TSGA10: variants seen among roughly 807,000 people sequenced by gnomAD.
The protein encoded by TSGA10 is testis-specific gene 10 protein.
TSGA10 carries 43 observed loss-of-function variants against 96.6 expected under a neutral mutation model. That is an observed-to-expected ratio of 0.44 (90% confidence interval 0.35 to 0.57). TSGA10 has a LOEUF of 0.57. TSGA10 is among the 20% of genes least tolerant of loss of function. The probability of loss-of-function intolerance (pLI) is 0.01; values close to 1 mark genes in which losing one functional copy is unlikely to be tolerated. For synonymous variants in TSGA10, 229 were observed against 269.9 expected (o/e 0.85, Z 1.48); for missense variants, 703 against 834.4 (o/e 0.84, Z 1.94).
chr2:99,016,482 T>TA (rs947685065), intron 20 of TSGA10, among the ~76,000 whole-genome samples: 2 of 152,126 alleles, frequency 1.3e-5, no homozygotes, highest in Non-Finnish European at 2.9e-5. Flanking sequence ...TCTCACCTTA[T>TA]AAAAAATCAA....
chr2:99,095,828 A>AT (rs2089977464), intron 10 of TSGA10, among the ~76,000 whole-genome samples: 1 of 152,184 alleles, frequency 6.6e-6, no homozygotes, highest in Non-Finnish European at 1.5e-5. Context: ...TTTAGTAGAG[A>AT]CGGAGTTTCA....
intron 16 of TSGA10, among the ~76,000 whole-genome samples, chr2:99,041,634 G>C (rs1186248482): frequency 6.6e-6 from 1 of 152,156 alleles, no homozygotes; most frequent in Non-Finnish European, 1.5e-5. Flanking sequence ...GCTATATGTA[G>C]AAGAATGAAA....
rs569348679 is a variant in TSGA10, at chr2:99,104,480, T to G, written c.460-362A>C. Reference sequence around the variant, plus strand: ...AAATTATTTTCTCCTGTCTAGTAATTTTTTTTTTTTTTGAGACAGAGTATC... The same window carrying G: ...AAATTATTTTCTCCTGTCTAGTAATGTTTTTTTTTTTTGAGACAGAGTATC... On this transcript the variant is annotated intron_variant, in intron 9 of 20. Transcript: ENST00000393483. Among the ~76,000 whole-genome samples, 31 of 148,524 alleles carry G rather than the reference T, an allele frequency of 2.1e-4. No individual in the cohort carries two copies. The East Asian group carries it at 5.6e-3, about 27-fold the overall frequency.
chr2:99,149,197 T>A (rs967233063), intron 1 of TSGA10, among the ~76,000 whole-genome samples: 2 of 149,924 alleles, frequency 1.3e-5, no homozygotes, highest in Non-Finnish European at 3.0e-5. Context: ...GGGTGAGGGA[T>A]TTCGATCGAA....
chr2:99,059,830 T>C (rs1354522439), intron 16 of TSGA10, among the ~76,000 whole-genome samples: 1 of 146,124 alleles, frequency 6.8e-6, no homozygotes, highest in African/African-American at 2.5e-5. Context: ...GGGAGAATCC[T>C]TTGAACCCAG....
At chr2:99,074,939 CAG>C (rs1405587803) in intron 12 of TSGA10, among the ~76,000 whole-genome samples, 1 of 150,000 alleles carries the variant, frequency 6.7e-6, no homozygotes, top group African/African-American at 2.5e-5. Flanking sequence ...ACCTGGGTGA[CAG>C]AGACTCCGTC....
chr2:99,110,322 A>G (rs960211684), intron 5 of TSGA10, among the ~76,000 whole-genome samples: 1 of 152,250 alleles, frequency 6.6e-6, no homozygotes, highest in Non-Finnish European at 1.5e-5. Context: ...ATTTAGAAAC[A>G]CTTCTTTGAC....
intron 20 of TSGA10, 98 bp from the exon 21 acceptor site, chr2:98,998,319 G>T: frequency 2.0e-6 from 2 of 991,914 alleles, no homozygotes; most frequent in Non-Finnish European, 1.5e-6. Context: ...TCAGCAAAAC[G>T]TAAGATTTTT....
intron 20 of TSGA10, among the ~76,000 whole-genome samples, chr2:99,003,116 C>T (rs1448440924): frequency 2.6e-5 from 4 of 152,158 alleles, no homozygotes; most frequent in Admixed American, 2.6e-4. Flanking sequence ...CTCGGCCTCC[C>T]AAAGTGCTGG....
intron 10 of TSGA10, among the ~76,000 whole-genome samples, chr2:99,081,909 G>GT (rs1431034418): frequency 6.6e-6 from 1 of 152,150 alleles, no homozygotes; most frequent in Non-Finnish European, 1.5e-5. Flanking sequence ...GCCTAACCTT[G>GT]TTTTTTACTA....
chr2:99,109,448 A>G lies in TSGA10; in HGVS notation c.-9T>C. On this transcript the variant is annotated 5_prime_UTR_variant, in exon 6 of 21. Coordinates refer to ENST00000393483, the MANE Select transcript of TSGA10 (RefSeq NM_025244.4). ...GACCTACTTCGCATCATCTTTCTCA[A>G]ATGTTGAGCTTCACTCTTATAGTGA... 6.2e-7 allele frequency: 1 copy of G among 1,613,800 alleles called. No homozygotes were observed. Among genetic ancestry groups the G allele is most frequent in the Non-Finnish European group, 8.5e-7 (1 of 1,179,788 alleles).
At chr2:99,142,528 G>A (rs2093579181) in intron 1 of TSGA10, 1 of 152,056 alleles carries the variant, frequency 6.6e-6, no homozygotes, top group African/African-American at 2.4e-5. Context: ...TTTTCATCGT[G>A]TTATTACATG....
chr2:99,087,650 T>C (rs146896833), intron 10 of TSGA10, among the ~76,000 whole-genome samples: 263 of 152,304 alleles, frequency 1.7e-3, no homozygotes, highest in Middle Eastern at 6.8e-3. Context: ...ATCGCACCAC[T>C]ACTGTCCAGC....
At position 99,105,713 on chromosome 2, in the gene TSGA10, T is replaced by C. The variant is rs372186643; in HGVS notation, c.211-16A>G. The C allele has an allele frequency of 2.9e-5, 46 of 1,577,506 alleles. No individual in the cohort carries two copies. The highest frequency in any genetic ancestry group is 2.6e-4 in the African/African-American group (19 of 74,072). On this transcript the variant is annotated splice_polypyrimidine_tract_variant and intron_variant, in intron 7 of 20. Coordinates refer to ENST00000393483, the MANE Select transcript of TSGA10 (RefSeq NM_025244.4). ...CTTCCTGTGCCTATTATTTAAATCA[T>C]AGACTTTGGTTGAACAAGCTTTAGA...
intron 20 of TSGA10, among the ~76,000 whole-genome samples, chr2:99,015,113 A>T (rs2079389626): frequency 2.6e-5 from 4 of 152,200 alleles, no homozygotes; most frequent in Admixed American, 1.3e-4. Flanking sequence ...AGATAGAGAA[A>T]GACGGAATCC....
At chr2:99,129,354 C>G (rs2092966765) in intron 1 of TSGA10, among the ~76,000 whole-genome samples, 1 of 152,152 alleles carries the variant, frequency 6.6e-6, no homozygotes, top group Admixed American at 6.5e-5. Context: ...TAAAAAGTGT[C>G]AAAAAATTTG....
intron 10 of TSGA10, among the ~76,000 whole-genome samples, chr2:99,101,674 G>C (rs1040419254): frequency 6.6e-5 from 10 of 152,090 alleles, no homozygotes; most frequent in African/African-American, 2.4e-4. Context: ...AAAGGAGAGA[G>C]AGAGAAAAGA....
Position 99,034,358 on chromosome 2 carries a change from T to C in TSGA10, c.1614+872A>G, listed in dbSNP as rs533803569. The stretch of plus-strand genomic sequence containing the variant: ...CGGAGGTTGCAGTGAGCCGAGATCA[T>C]GCCACTGCACTCCAGCCTGGCGACA... On this transcript the variant is annotated intron_variant, in intron 17 of 20. Transcript: ENST00000393483. Among the ~76,000 whole-genome samples, 5 of 151,688 alleles carry C rather than the reference T, an allele frequency of 3.3e-5. No individual in the cohort carries two copies. The South Asian group carries it at 1.0e-3, about 32-fold the overall frequency.
In TSGA10 at chr2:99,063,737, C is replaced by T. The variant is rs191087786; in HGVS notation, c.1404+1202G>A. Among the ~76,000 whole-genome samples, 1,155 of 148,248 alleles carry T rather than the reference C, an allele frequency of 7.8e-3. 6 individuals are homozygous for T. The highest frequency in any genetic ancestry group is 0.013 in the Non-Finnish European group (851 of 67,570). ...AGGAGAATCACTTGAATCTGGAAAG[C>T]GGAGGTTGCAGTGAGCCAAGATCAC... On this transcript the variant is annotated intron_variant, in intron 16 of 20. Transcript: ENST00000393483.
Sources: allele counts gnomAD v4.1 joint callset (sites outside exome capture counted in the v4.1 genomes callset), GRCh38; gene constraint gnomAD v4.1.1; transcripts MANE v1.5; gene names NCBI Gene and HGNC (gene_info 2026-07-23, HGNC 2026-07-21).